Variants in GALNTL6 observed in about 807,000 individuals in gnomAD.
The protein encoded by GALNTL6 is polypeptide N-acetylgalactosaminyltransferase like 6.
Under a neutral mutation model 73.7 loss-of-function variants are expected in GALNTL6, and 46 were observed. That is an observed-to-expected ratio of 0.62 (90% CI 0.49 to 0.80). The LOEUF (loss-of-function observed/expected upper bound fraction) is 0.80. Among genes scored for constraint, GALNTL6 ranks in the 30% least tolerant of loss-of-function variants. The pLI is 0.00. For missense variants in GALNTL6, 604 were observed against 755.0 expected (o/e 0.80, Z 2.34); for synonymous variants, 259 against 263.7 (o/e 0.98, Z 0.17).
At chr4:172,109,267 T>C (rs911775301) in intron 2 of GALNTL6, among the ~76,000 whole-genome samples, 8 of 151,920 alleles carry the variant, frequency 5.3e-5, no homozygotes, top group Admixed American at 3.3e-4. Context: ...TAATTTTTTT[T>C]CTTGCATAAA....
chr4:172,531,468 G>A (rs1579160211), intron 5 of GALNTL6, among the ~76,000 whole-genome samples: 1 of 152,164 alleles, frequency 6.6e-6, no homozygotes, highest in Non-Finnish European at 1.5e-5. Flanking sequence ...CACGTCCCCT[G>A]ACCGCGTTTC....
At chr4:172,183,574 C>T (rs980191337) in intron 2 of GALNTL6, among the ~76,000 whole-genome samples, 20 of 152,176 alleles carry the variant, frequency 1.3e-4, no homozygotes, top group African/African-American at 4.6e-4. Context: ...CTGTGATCTA[C>T]AGTGTCAACT....
intron 2 of GALNTL6, among the ~76,000 whole-genome samples, chr4:171,887,407 T>A (rs757223459): frequency 6.6e-6 from 1 of 152,190 alleles, no homozygotes; most frequent in African/African-American, 2.4e-5. Context: ...ATTTTACAAG[T>A]AGACTACAAA....
chr4:172,789,132 G>C (rs7677835), intron 5 of GALNTL6, among the ~76,000 whole-genome samples: 103,319 of 152,012 alleles, frequency 0.68, 35,813 homozygotes, highest in East Asian at 0.98. Context: ...TCAGATCCCA[G>C]AGGTAGAAAG....
intron 5 of GALNTL6, among the ~76,000 whole-genome samples, chr4:172,530,622 C>T (rs1579159533): frequency 6.6e-6 from 1 of 152,080 alleles, no homozygotes. Context: ...TCAAGGCACA[C>T]TTAAATTATT....
chr4:172,737,611 G>A (rs1363388853), intron 5 of GALNTL6, among the ~76,000 whole-genome samples: 4 of 152,138 alleles, frequency 2.6e-5, no homozygotes, highest in Admixed American at 6.5e-5. Context: ...TCTCATTTGA[G>A]TCAGTCACTG....
chr4:172,741,182 G>A (rs1309200103), intron 5 of GALNTL6, among the ~76,000 whole-genome samples: 2 of 152,056 alleles, frequency 1.3e-5, no homozygotes, highest in Non-Finnish European at 2.9e-5. Flanking sequence ...AAAGAAAAAT[G>A]AAAATAATTT....
intron 5 of GALNTL6, among the ~76,000 whole-genome samples, chr4:172,790,340 C>T (rs566174538): frequency 6.6e-6 from 1 of 152,278 alleles, no homozygotes; most frequent in East Asian, 1.9e-4. Flanking sequence ...AAGAATGTAA[C>T]TCGGGTGTTG....
intron 2 of GALNTL6, among the ~76,000 whole-genome samples, chr4:172,160,732 G>T (rs1734432686): frequency 6.6e-6 from 1 of 151,346 alleles, no homozygotes; most frequent in Non-Finnish European, 1.5e-5. Context: ...CCTATTATAG[G>T]GATATATAAA....
chr4:172,606,630 CTA>C (rs1180203834), intron 5 of GALNTL6, among the ~76,000 whole-genome samples: 777 of 37,486 alleles, frequency 0.021, 13 homozygotes, highest in African/African-American at 0.036. Context: ...TATATATATA[CTA>C]TATATATACT....
intron 5 of GALNTL6, among the ~76,000 whole-genome samples, chr4:172,733,562 G>A (rs1169053317): frequency 6.6e-6 from 1 of 152,152 alleles, no homozygotes; most frequent in African/African-American, 2.4e-5. Flanking sequence ...TGACCTAGTG[G>A]GAGGTAATTG....
intron 2 of GALNTL6, among the ~76,000 whole-genome samples, chr4:171,857,772 A>G (rs892824555): frequency 6.6e-6 from 1 of 152,226 alleles, no homozygotes. Context: ...AGTAAATTGC[A>G]CATGAGCTGC....
At chr4:172,115,059 T>C (rs1732950468) in intron 2 of GALNTL6, among the ~76,000 whole-genome samples, 1 of 152,124 alleles carries the variant, frequency 6.6e-6, no homozygotes, top group East Asian at 1.9e-4. Context: ...TAATGAGATT[T>C]CATTGTGAAC....
chr4:171,930,169 G>C (rs936933895), intron 2 of GALNTL6, among the ~76,000 whole-genome samples: 2 of 152,248 alleles, frequency 1.3e-5, no homozygotes, highest in African/African-American at 4.8e-5. Context: ...TCCCAGGAGA[G>C]CACACGCGAC....
intron 10 of GALNTL6, among the ~76,000 whole-genome samples, chr4:172,999,081 T>C (rs1202327985): frequency 1.3e-5 from 2 of 151,682 alleles, no homozygotes; most frequent in African/African-American, 4.8e-5. Context: ...ATAACTATCA[T>C]TAGGGCTGAG....
chr4:171,938,664 C>T (rs1738428124), intron 2 of GALNTL6, among the ~76,000 whole-genome samples: 1 of 152,120 alleles, frequency 6.6e-6, no homozygotes, highest in Non-Finnish European at 1.5e-5. Context: ...CACTCTTTCT[C>T]TTAAAACCAA....
chr4:172,728,284 C>T lies in GALNTL6; in HGVS notation c.554-81077C>T, dbSNP rs1249578098. Among the ~76,000 whole-genome samples the T allele has an allele frequency of 5.3e-5, 8 of 152,056 alleles. 1 individual carries two copies. The highest frequency in any genetic ancestry group is 1.2e-4 in the Non-Finnish European group (8 of 68,008). On this transcript the variant is annotated intron_variant, in intron 5 of 12. Transcript: ENST00000506823. ...TTTCTCTTATATTACTCCATTTTAC[C>T]TTCCTGGCCTCCGATAACCACCAGT...
intron 5 of GALNTL6, among the ~76,000 whole-genome samples, chr4:172,606,949 T>C (rs1311619191): frequency 6.6e-6 from 1 of 151,746 alleles, no homozygotes; most frequent in African/African-American, 2.4e-5. Flanking sequence ...TAGAGTGCCA[T>C]TTTGTCTACA....
At chr4:172,352,723 A>G (rs1381971005) in intron 5 of GALNTL6, among the ~76,000 whole-genome samples, 12 of 152,108 alleles carry the variant, frequency 7.9e-5, no homozygotes, top group Non-Finnish European at 1.6e-4. Context: ...ACTTTCCTTA[A>G]TGCAAGTATG....
Sources: allele counts gnomAD v4.1 joint callset (sites outside exome capture counted in the v4.1 genomes callset), GRCh38; gene constraint gnomAD v4.1.1; transcripts MANE v1.5; gene names NCBI Gene and HGNC (gene_info 2026-07-23, HGNC 2026-07-21).